SQOR: variants seen among roughly 807,000 people sequenced by gnomAD.
SQOR encodes sulfide quinone oxidoreductase, also known as sulfide:quinone oxidoreductase, mitochondrial.
In SQOR, 39 loss-of-function variants were observed where a neutral mutation model predicts 48.6. That is an observed-to-expected ratio of 0.80 (90% CI 0.62 to 1.05). The LOEUF is 1.05. SQOR is among the 50% of genes least tolerant of loss of function. SQOR has a pLI of 0.00. For missense variants in SQOR, 561 were observed against 559.9 expected, an observed-to-expected ratio of 1.00 and a Z score of -0.02; for synonymous variants, 220 against 206.2, an observed-to-expected ratio of 1.07 and a Z score of -0.57.
intron 1 of SQOR, among the ~76,000 whole-genome samples, chr15:45,644,067 C>T (rs961434946): frequency 6.6e-5 from 10 of 152,036 alleles, no homozygotes; most frequent in Admixed American, 5.2e-4. Flanking sequence ...ATTTTAGAGA[C>T]GGCATAGAGA....
At chr15:45,658,237 G>A (rs664824) in intron 1 of SQOR, among the ~76,000 whole-genome samples, 100,924 of 151,952 alleles carry the variant, frequency 0.66, 33,570 homozygotes, top group Admixed American at 0.74. Flanking sequence ...TTCTAAAATC[G>A]TTTGGTTGAA....
rs767933297 is a variant in SQOR at position 45,653,682 on chromosome 15, AG to A, written c.-17-5222del. On this transcript the variant is annotated intron_variant, in intron 1 of 9. Coordinates refer to ENST00000260324, the MANE Select transcript of SQOR (RefSeq NM_021199.4). ...GACCAGCCCCCTCCTGAAGCCATCT[AG>A]GGATCCCACCTTGAGTCACCTTACT... Among the ~76,000 whole-genome samples, 95 of 152,242 alleles carry A rather than the reference AG, an allele frequency of 6.2e-4. 1 individual carries two copies. Among genetic ancestry groups the A allele is most frequent in the Admixed American group, 1.3e-3 (20 of 15,284 alleles).
intron 4 of SQOR, 139 bp from the exon 5 acceptor site, chr15:45,673,468 C>A: frequency 1.1e-6 from 1 of 914,984 alleles, no homozygotes; most frequent in Non-Finnish European, 1.7e-6. Context: ...CCTCACCCAC[C>A]TGCCTGCTCT....
intron 7 of SQOR, 131 bp downstream of exon 7, chr15:45,682,792 C>G (rs1256029872): frequency 1.9e-6 from 2 of 1,045,280 alleles, no homozygotes; most frequent in Admixed American, 5.1e-5. Flanking sequence ...CTTTGGGAGA[C>G]TCAGGCAGGC....
intron 1 of SQOR, among the ~76,000 whole-genome samples, chr15:45,646,635 C>T (rs1889345449): frequency 6.6e-6 from 1 of 152,182 alleles, no homozygotes; most frequent in Non-Finnish European, 1.5e-5. Context: ...AACCAGTGTT[C>T]ACTCTGACAT....
At chr15:45,646,095 C>A (rs1474280805) in intron 1 of SQOR, 3 of 152,124 alleles carry the variant, frequency 2.0e-5, no homozygotes, top group African/African-American at 7.2e-5. Flanking sequence ...TTATGAAACC[C>A]CAGATTTGAA....
intron 1 of SQOR, among the ~76,000 whole-genome samples, chr15:45,651,562 AC>A (rs1292028350): frequency 1.3e-5 from 2 of 152,184 alleles, no homozygotes; most frequent in African/African-American, 4.8e-5. Context: ...GCACGCTGTC[AC>A]CTCTCACTAC....
intron 3 of SQOR, 38 bp downstream of exon 3, chr15:45,662,163 C>A: frequency 1.9e-6 from 3 of 1,604,134 alleles, no homozygotes; most frequent in South Asian, 1.1e-5. Context: ...GTTAATCTGA[C>A]AGCTTGTATT....
chr15:45,667,941 C>CTTTTTTTTTTTTTTT (rs1204451548), intron 3 of SQOR, among the ~76,000 whole-genome samples: 2 of 103,276 alleles, frequency 1.9e-5, no homozygotes, highest in Non-Finnish European at 1.9e-5. Context: ...TTCTTTCTTT[C>CTTTTTTTTTTTTTTT]TTTTTTTTTT....
chr15:45,639,529 A>C lies in SQOR; in HGVS notation c.-18+4421A>C, dbSNP rs191023187. ...CTACATGAATGGAGAGAAAATGGCTATGTCTGTATCCTGGTACCAATTCCT... is the reference window on the plus strand; with the variant it reads ...CTACATGAATGGAGAGAAAATGGCTCTGTCTGTATCCTGGTACCAATTCCT... On this transcript the variant is annotated intron_variant, in intron 1 of 9. Coordinates refer to ENST00000260324, the MANE Select transcript of SQOR (RefSeq NM_021199.4). Among the ~76,000 whole-genome samples, 225 of 152,330 alleles carry C rather than the reference A, an allele frequency of 1.5e-3. 1 individual carries two copies. Among genetic ancestry groups the C allele is most frequent in the Middle Eastern group, 0.014 (4 of 294 alleles).
chr15:45,640,537 G>C (rs2140936957), intron 1 of SQOR, among the ~76,000 whole-genome samples: 1 of 152,288 alleles, frequency 6.6e-6, no homozygotes, highest in South Asian at 2.1e-4. Context: ...ACTATTAAAG[G>C]ATTGAGTTTA....
At chr15:45,653,067 G>T (rs533606036) in intron 1 of SQOR, among the ~76,000 whole-genome samples, 1 of 152,238 alleles carries the variant, frequency 6.6e-6, no homozygotes, top group South Asian at 2.1e-4. Context: ...AATTACTGTT[G>T]GTTCCTAAGT....
chr15:45,646,795 G>A (rs567246541), intron 1 of SQOR, among the ~76,000 whole-genome samples: 1 of 151,446 alleles, frequency 6.6e-6, no homozygotes, highest in South Asian at 2.1e-4. Context: ...GGCCCATTTT[G>A]TTTCATCTAC....
At chr15:45,664,797 A>AAT (rs948703260) in intron 3 of SQOR, among the ~76,000 whole-genome samples, 32 of 152,180 alleles carry the variant, frequency 2.1e-4, no homozygotes, top group African/African-American at 6.8e-4. Context: ...GGCAGAAATG[A>AAT]ATATATATAA....
At chr15:45,651,339 C>G (rs1035151206) in intron 1 of SQOR, among the ~76,000 whole-genome samples, 14 of 152,192 alleles carry the variant, frequency 9.2e-5, no homozygotes, top group Admixed American at 3.9e-4. Context: ...AGAACTCGTG[C>G]TGGCCCGCGA....
intron 3 of SQOR, among the ~76,000 whole-genome samples, chr15:45,662,582 C>A (rs1226476936): frequency 6.6e-6 from 1 of 152,194 alleles, no homozygotes; most frequent in African/African-American, 2.4e-5. Flanking sequence ...GTAGGGGAAT[C>A]CTGTGACTCT....
chr15:45,644,516 G>A (rs1895167572), intron 1 of SQOR, among the ~76,000 whole-genome samples: 1 of 152,160 alleles, frequency 6.6e-6, no homozygotes. Flanking sequence ...GTATTACAAC[G>A]TACCTGGGAT....
At chr15:45,653,247 G>T (rs986089955) in intron 1 of SQOR, among the ~76,000 whole-genome samples, 4 of 143,438 alleles carry the variant, frequency 2.8e-5, no homozygotes, top group Non-Finnish European at 6.1e-5. Flanking sequence ...CACTTCAGAC[G>T]CCAGCCAGGC....
intron 1 of SQOR, among the ~76,000 whole-genome samples, chr15:45,648,183 GT>G (rs917863011): frequency 2.1e-5 from 3 of 145,882 alleles, no homozygotes; most frequent in Non-Finnish European, 1.5e-5. Context: ...TTGTTTTTTT[GT>G]TTTTTTTTTG....
Sources: allele counts gnomAD v4.1 joint callset (sites outside exome capture counted in the v4.1 genomes callset), GRCh38; gene constraint gnomAD v4.1.1; transcripts MANE v1.5; gene names NCBI Gene and HGNC (gene_info 2026-07-23, HGNC 2026-07-21).